The following KCNC4 variants were observed in gnomAD, a reference collection of about 807,000 sequenced individuals.
KCNC4 encodes the protein voltage-gated potassium channel KCNC4.
A neutral mutation model predicts 42.8 loss-of-function variants in KCNC4; 23 were observed. The ratio of observed to expected loss-of-function variants is 0.54; its 90% confidence interval spans 0.39 to 0.76. The LOEUF (loss-of-function observed/expected upper bound fraction) is 0.76. Among genes scored for constraint, KCNC4 ranks in the 30% least tolerant of loss-of-function variants. KCNC4 has a pLI of 0.00. For synonymous variants in KCNC4, 422 were observed against 393.5 expected (o/e 1.07, Z -0.86); for missense variants, 751 against 898.2 (o/e 0.84, Z 2.10).
chr1:110,274,220 A>G (rs1557876037), intron 1 of KCNC4, among the ~76,000 whole-genome samples: 1 of 152,240 alleles, frequency 6.6e-6, no homozygotes. Context: ...AAGCAAATCC[A>G]GAACACAATC....
chr1:110,244,251 C>G (rs2101058893), exon 4 of KCNC4: 1 of 152,402 alleles, frequency 6.6e-6, no homozygotes, highest in East Asian at 1.9e-4. Context: ...GTAGTCCCAG[C>G]TACTCAGCAG....
chr1:110,264,167 G>A (rs1659500561), intron 1 of KCNC4, among the ~76,000 whole-genome samples: 1 of 152,194 alleles, frequency 6.6e-6, no homozygotes, highest in African/African-American at 2.4e-5. Context: ...CTTAAACCCT[G>A]AAGTCCTCAG....
At chr1:110,243,042 A>G (rs1377401833) in exon 4 of KCNC4, 1 of 152,238 alleles carries the variant, frequency 6.6e-6, no homozygotes, top group Non-Finnish European at 1.5e-5. Context: ...AGAGAAGGAA[A>G]CATCTCCAGA....
Position 110,211,526 on chromosome 1 carries a change from C to G in KCNC4, c.27C>G (p.Ser9=). 1 of 1,613,984 alleles carries G rather than the reference C, an allele frequency of 6.2e-7. No homozygotes were observed. Among genetic ancestry groups the G allele is most frequent in the Non-Finnish European group, 8.5e-7 (1 of 1,179,966 alleles). The change falls in exon 1 of 4, where the codon TCC becomes TCG. Residue 9 remains serine (S), a synonymous_variant. Transcript: ENST00000438661. This position sits in a 1 kb window ranked among gnomAD's most constrained non-coding sequence, Gnocchi z 6.5. MISSVCVS[S]YRGRKSGNKP... is the part of the protein sequence containing the mutation. The stretch of plus-strand genomic sequence containing the variant: ...TGATCAGCTCGGTGTGTGTCTCCTC[C>G]TACCGCGGGCGCAAGTCGGGGAACA...
chr1:110,246,336 T>G (rs1659144493), exon 4 of KCNC4: 1 of 152,220 alleles, frequency 6.6e-6, no homozygotes, highest in Non-Finnish European at 1.5e-5. Flanking sequence ...AGAAAACATT[T>G]TTAGCTACCA....
At chr1:110,230,111 A>C (rs1489252750) in intron 3 of KCNC4, among the ~76,000 whole-genome samples, 1 of 151,826 alleles carries the variant, frequency 6.6e-6, no homozygotes. Flanking sequence ...CCATCTCGGC[A>C]CCTCCCTCAG....
Position 110,233,151 on chromosome 1 carries a change from C to T in KCNC4, c.*179C>T. On this transcript the variant is annotated 3_prime_UTR_variant, in exon 4 of 4. Transcript: ENST00000438661. ...CCCAGAGCCATCTGGGTCTGATGTT[C>T]TGTTCCATTGTACATCGAAGAGATA... 2 of 671,136 alleles carry T rather than the reference C, an allele frequency of 3.0e-6. No homozygotes were observed. Among genetic ancestry groups the T allele is most frequent in the Non-Finnish European group, 5.1e-6 (2 of 392,108 alleles). 41.6% of individuals were successfully genotyped at this position (671,136 alleles called of 1,614,324 possible).
chr1:110,274,688 T>A lies in KCNC4; in HGVS notation n.31-7846T>A, dbSNP rs546457553. Among the ~76,000 whole-genome samples the A allele has an allele frequency of 2.2e-4, 33 of 152,184 alleles. No individual in the cohort carries two copies. In the South Asian group the frequency reaches 6.0e-3, roughly 28 times the overall value. ...ACACAAAGATCAATAGAACAGAATT[T>A]AAAAACCCAGAAATAAAGCCACATA... On this transcript the variant is annotated intron_variant and non_coding_transcript_variant, in intron 1 of 2. Coordinates refer to the KCNC4 transcript ENST00000412512.
intron 1 of KCNC4, among the ~76,000 whole-genome samples, chr1:110,254,181 C>T (rs1386933753): frequency 1.3e-5 from 2 of 150,914 alleles, no homozygotes; most frequent in East Asian, 1.9e-4. Flanking sequence ...CCCCATCAGA[C>T]ATATCTGGAG....
intron 3 of KCNC4, chr1:110,228,907 T>A (rs1444886617): frequency 6.6e-6 from 1 of 152,028 alleles, no homozygotes; most frequent in African/African-American, 2.4e-5. Flanking sequence ...GGGAAAGCAA[T>A]CCCAGAGCTT....
intron 1 of KCNC4, among the ~76,000 whole-genome samples, chr1:110,217,100 T>C (rs1042541858): frequency 6.6e-6 from 1 of 152,150 alleles, no homozygotes; most frequent in Non-Finnish European, 1.5e-5. Context: ...GAGGGGGCCA[T>C]GCTCCTGACA....
At chr1:110,225,895 G>A in intron 2 of KCNC4, 80 bp from the exon 3 acceptor site, 1 of 1,314,320 alleles carries the variant, frequency 7.6e-7, no homozygotes, top group Non-Finnish European at 1.1e-6. Context: ...TAACACTCTG[G>A]GTCTGGGAGA....
At chr1:110,274,458 G>A (rs2885144) in intron 1 of KCNC4, among the ~76,000 whole-genome samples, 44,168 of 152,116 alleles carry the variant, frequency 0.29, 6,862 homozygotes, top group Admixed American at 0.43. Flanking sequence ...TACAGATTCA[G>A]TGCAATCCTT....
chr1:110,252,193 C>T (rs1659260834), downstream of KCNC4, among the ~76,000 whole-genome samples: 1 of 152,228 alleles, frequency 6.6e-6, no homozygotes, highest in Admixed American at 6.5e-5. Flanking sequence ...TTGGGGAGCT[C>T]AGAGGCCTCC....
intron 1 of KCNC4, among the ~76,000 whole-genome samples, chr1:110,279,912 C>T (rs1659792026): frequency 6.6e-6 from 1 of 150,686 alleles, no homozygotes; most frequent in Non-Finnish European, 1.5e-5. Flanking sequence ...GATTCTCCTG[C>T]CTCAGCCTCC....
At chr1:110,268,433 C>T (rs998901807) in intron 1 of KCNC4, among the ~76,000 whole-genome samples, 15 of 151,862 alleles carry the variant, frequency 9.9e-5, no homozygotes, top group Non-Finnish European at 1.5e-4. Flanking sequence ...CGGTGAAACC[C>T]CATCTCTAAT....
chr1:110,275,330 A>G (rs947160889), intron 1 of KCNC4, among the ~76,000 whole-genome samples: 1 of 152,258 alleles, frequency 6.6e-6, no homozygotes, highest in East Asian at 1.9e-4. Flanking sequence ...TATACTAATC[A>G]GAATAGTTAT....
Position 110,211,503 on chromosome 1 carries a change from A to G in KCNC4, c.4A>G (p.Ile2Val). ...CCGGAGCCCCGCAGCGCTTCTTATG[A>G]TCAGCTCGGTGTGTGTCTCCTCCTA... The part of the protein sequence containing the change: M[I>V]SSVCVSSYRG... Residue 2 changes from isoleucine (I) to valine (V), a missense_variant, in exon 1 of 4, where the codon ATC (isoleucine) becomes GTC (valine). By Grantham distance (29) the Ile-to-Val change is conservative. Coordinates refer to ENST00000438661, the MANE Select transcript of KCNC4 (RefSeq NM_001039574.3). This position sits in a 1 kb window ranked among gnomAD's most constrained non-coding sequence, Gnocchi z 6.5. 3.7e-6 allele frequency: 6 copies of G among 1,612,922 alleles called. No individual in the cohort carries two copies. The highest frequency in any genetic ancestry group is 5.1e-6 in the Non-Finnish European group (6 of 1,179,374).
intron 1 of KCNC4, among the ~76,000 whole-genome samples, chr1:110,261,313 C>T (rs12146055): frequency 0.27 from 41,298 of 151,838 alleles, 6,024 homozygotes; most frequent in Non-Finnish European, 0.33. Context: ...AACAATATGG[C>T]AATAAAAAAT....
Sources: allele counts gnomAD v4.1 joint callset (sites outside exome capture counted in the v4.1 genomes callset), GRCh38; gene constraint gnomAD v4.1.1; non-coding constraint Gnocchi (gnomAD v3.1); transcripts MANE v1.5; gene names NCBI Gene and HGNC (gene_info 2026-07-23, HGNC 2026-07-21).